Variants in P2RX5 observed in about 807,000 individuals in gnomAD.
The protein encoded by P2RX5 is P2X purinoceptor 5.
In P2RX5, 46 loss-of-function variants were observed where a neutral mutation model predicts 54.1. The observed-to-expected ratio is 0.85, with a 90% CI of 0.67 to 1.09. P2RX5 has a LOEUF of 1.09. Among genes scored for constraint, P2RX5 ranks in the 50% least tolerant of loss-of-function variants. P2RX5 has a pLI of 0.00. For missense variants in P2RX5, 566 were observed against 549.8 expected (o/e 1.03, Z -0.29); for synonymous variants, 226 against 226.4 (o/e 1.00, Z 0.02).
intron 9 of P2RX5, among the ~76,000 whole-genome samples, chr17:3,683,080 G>A (rs1424142590): frequency 6.6e-6 from 1 of 152,066 alleles, no homozygotes; most frequent in Non-Finnish European, 1.5e-5. Flanking sequence ...TGATGAGGTG[G>A]ACGACCCCAG....
chr17:3,704,978 C>A, the P2RX5 span, among the ~76,000 whole-genome samples: 1 of 152,132 alleles, frequency 6.6e-6, no homozygotes, highest in South Asian at 2.1e-4. Flanking sequence ...TGTACTACAG[C>A]CTGGACAACA....
chr17:3,704,953 C>T, the P2RX5 span, among the ~76,000 whole-genome samples: 20 of 152,110 alleles, frequency 1.3e-4, no homozygotes, highest in African/African-American at 2.4e-4. Flanking sequence ...TTGCGGTGAG[C>T]GGAGATCATG....
At chr17:3,691,820 G>T (rs1239800001) in intron 1 of P2RX5, 26 bp from the exon 2 acceptor site, 2 of 1,613,718 alleles carry the variant, frequency 1.2e-6, no homozygotes, top group Admixed American at 3.3e-5. Context: ...CGGTACGTGG[G>T]CATCAGCCAC....
the P2RX5 span, chr17:3,720,263 C>A: frequency 1.1e-6 from 1 of 920,454 alleles, no homozygotes. Context: ...AAAGGTTAGG[C>A]ACAATTTTCC....
chr17:3,696,932 G>GT (rs2050770092), upstream of P2RX5, among the ~76,000 whole-genome samples: 1 of 136,114 alleles, frequency 7.3e-6, no homozygotes, highest in Non-Finnish European at 1.7e-5. Context: ...GGGTGGTTGT[G>GT]GGGGGGAAGC....
chr17:3,708,566 A>G, the P2RX5 span, among the ~76,000 whole-genome samples: 1 of 152,234 alleles, frequency 6.6e-6, no homozygotes, highest in East Asian at 1.9e-4. Context: ...CAAATTAAGT[A>G]AAAATGGAGA....
the P2RX5 span, chr17:3,720,497 T>G: frequency 6.0e-6 from 4 of 662,296 alleles, no homozygotes; most frequent in African/African-American, 7.2e-5. Context: ...CCTTTAAAGG[T>G]ATTCCTGGGC....
chr17:3,696,931 TG>T (rs141737373), upstream of P2RX5, among the ~76,000 whole-genome samples: 1 of 151,684 alleles, frequency 6.6e-6, no homozygotes, highest in Non-Finnish European at 1.5e-5. Flanking sequence ...GGGGTGGTTG[TG>T]GGGGGGAAGC....
the P2RX5 span, chr17:3,723,820 C>T: frequency 6.4e-7 from 1 of 1,570,716 alleles, no homozygotes; most frequent in Non-Finnish European, 8.6e-7. Flanking sequence ...GGCCCCGGCC[C>T]TGGCGAGGTG....
Position 3,695,858 on chromosome 17 carries a change from G to A in P2RX5, c.137+11C>T, listed in dbSNP as rs755952629. ...CTCCCCCGCCTTCCCAAAAGTCCGC[G>A]GAGAACTTACACGACCAGGTACGCC... On this transcript the variant is annotated intron_variant, in intron 1 of 11. Coordinates refer to ENST00000225328, the MANE Select transcript of P2RX5 (RefSeq NM_002561.4). The A allele has an allele frequency of 1.3e-6, 2 of 1,599,346 alleles. No homozygotes were observed. The highest frequency in any genetic ancestry group is 1.3e-5 in the African/African-American group (1 of 74,508).
intron 1 of P2RX5, among the ~76,000 whole-genome samples, chr17:3,694,233 A>G (rs1006543272): frequency 1.3e-5 from 2 of 151,204 alleles, no homozygotes; most frequent in African/African-American, 4.8e-5. Context: ...GAAGCCAGAA[A>G]AAAAAAAAAA....
chr17:3,709,105 C>A, the P2RX5 span, among the ~76,000 whole-genome samples: 1 of 152,144 alleles, frequency 6.6e-6, no homozygotes, highest in Non-Finnish European at 1.5e-5. Flanking sequence ...GCGCCTGCCA[C>A]AACGCCAGGC....
At chr17:3,690,312 C>A (rs2050574849) in intron 5 of P2RX5, 115 bp downstream of exon 5, 7 of 1,120,430 alleles carry the variant, frequency 6.2e-6, no homozygotes, top group Non-Finnish European at 9.3e-6. Flanking sequence ...GCTGGGACAG[C>A]CTGACTCCTC....
intron 5 of P2RX5, 57 bp from the exon 6 acceptor site, chr17:3,690,207 C>G (rs561057169): frequency 4.0e-6 from 6 of 1,499,264 alleles, no homozygotes; most frequent in African/African-American, 1.4e-5. Flanking sequence ...GCCCCTCCCC[C>G]AGGCCTGGGC....
At chr17:3,697,464 C>T (rs2050782057), upstream of P2RX5, among the ~76,000 whole-genome samples, 1 of 152,158 alleles carries the variant, frequency 6.6e-6, no homozygotes, top group South Asian at 2.1e-4. Flanking sequence ...CACAAGCAGT[C>T]CTGCTCCTCT....
intron 9 of P2RX5, among the ~76,000 whole-genome samples, chr17:3,684,612 C>T (rs1390824085): frequency 6.8e-6 from 1 of 147,558 alleles, no homozygotes; most frequent in African/African-American, 2.5e-5. Context: ...CTGAAATCAA[C>T]ATCCTCAGGG....
intron 6 of P2RX5, 96 bp downstream of exon 6, chr17:3,689,964 ACACACGCGCG>A: frequency 1.0e-6 from 1 of 996,066 alleles, no homozygotes; most frequent in Non-Finnish European, 1.6e-6. Context: ...ACACACGTGC[ACACACGCGCG>A]CACACACACC....
the P2RX5 span, among the ~76,000 whole-genome samples, chr17:3,711,370 C>CTTTTTTTTTTTTTTTGTTTTTT: frequency 1.6e-5 from 1 of 63,110 alleles, no homozygotes; most frequent in Non-Finnish European, 2.6e-5. Flanking sequence ...AGCACTCATT[C>CTTTTTTTTTTTTTTTGTTTTTT]TTTTTTTTTT....
At chr17:3,691,872 T>C in intron 1 of P2RX5, 78 bp from the exon 2 acceptor site, 1 of 1,474,412 alleles carries the variant, frequency 6.8e-7, no homozygotes, top group Non-Finnish European at 9.5e-7. Flanking sequence ...TGGGGTGGGG[T>C]AGCAGTCACA....
Sources: allele counts gnomAD v4.1 joint callset (sites outside exome capture counted in the v4.1 genomes callset), GRCh38; gene constraint gnomAD v4.1.1; transcripts MANE v1.5; gene names NCBI Gene and HGNC (gene_info 2026-07-23, HGNC 2026-07-21).